Variants in TSHZ2 observed in about 807,000 individuals in gnomAD.
TSHZ2 encodes the protein teashirt homolog 2.
A neutral mutation model predicts 74.4 loss-of-function variants in TSHZ2; 21 were observed. The ratio of observed to expected loss-of-function variants is 0.28; its 90% CI spans 0.20 to 0.41. TSHZ2 has a LOEUF of 0.41. Among genes scored for constraint, TSHZ2 ranks in the 10% least tolerant of loss-of-function variants. The probability of loss-of-function intolerance (pLI) is 1.00; values close to 1 mark genes in which losing one functional copy is unlikely to be tolerated. For synonymous variants in TSHZ2, 540 were observed against 515.3 expected (o/e 1.05, Z -0.65); for missense variants, 1,244 against 1,293.5 (o/e 0.96, Z 0.59).
chr20:53,410,620 T>TATTA (rs1555860298), intron 2 of TSHZ2, among the ~76,000 whole-genome samples: 36 of 148,462 alleles, frequency 2.4e-4, no homozygotes, highest in African/African-American at 8.6e-4. Context: ...TTATTATTAT[T>TATTA]ATTATTAGCT....
intron 1 of TSHZ2, among the ~76,000 whole-genome samples, chr20:53,037,601 C>G (rs6013614): frequency 0.68 from 103,154 of 152,132 alleles, 35,541 homozygotes; most frequent in East Asian, 0.92. Flanking sequence ...CCTATTTTTA[C>G]GGGTAAGTTT....
At chr20:53,340,180 TTTTC>T (rs1242148340) in intron 2 of TSHZ2, among the ~76,000 whole-genome samples, 5 of 56,180 alleles carry the variant, frequency 8.9e-5, no homozygotes, top group African/African-American at 5.7e-4. Flanking sequence ...TTTCTTTCTT[TTTTC>T]TTTTTTTTTT....
At chr20:53,411,587 G>C (rs1383654929) in intron 2 of TSHZ2, among the ~76,000 whole-genome samples, 1 of 152,130 alleles carries the variant, frequency 6.6e-6, no homozygotes, top group Non-Finnish European at 1.5e-5. Flanking sequence ...CCAGCACTTC[G>C]AGAGGCTAAA....
chr20:53,295,674 T>C (rs1240173555), intron 2 of TSHZ2, among the ~76,000 whole-genome samples: 1 of 152,158 alleles, frequency 6.6e-6, no homozygotes, highest in Non-Finnish European at 1.5e-5. Flanking sequence ...TGACAAAAGA[T>C]ACATAAAGTG....
chr20:53,068,047 A>G (rs1239187514), intron 1 of TSHZ2, among the ~76,000 whole-genome samples: 1 of 152,128 alleles, frequency 6.6e-6, no homozygotes, highest in Non-Finnish European at 1.5e-5. Flanking sequence ...GTCAGGTGGC[A>G]TCCCCTCTTT....
At chr20:53,261,355 C>T (rs533329490) in intron 2 of TSHZ2, among the ~76,000 whole-genome samples, 7 of 152,308 alleles carry the variant, frequency 4.6e-5, no homozygotes, top group African/African-American at 1.4e-4. Flanking sequence ...CTTGTTCAAT[C>T]AGGCAATTAT....
chr20:53,031,780 AC>A (rs1261030262), intron 1 of TSHZ2, among the ~76,000 whole-genome samples: 16 of 152,268 alleles, frequency 1.1e-4, no homozygotes, highest in African/African-American at 3.4e-4. Context: ...ATTCTGTAGC[AC>A]CACATGGGAG....
chr20:53,254,311 G>A lies in TSHZ2; in HGVS notation c.853G>A (p.Asp285Asn), dbSNP rs1188088446. 12 of 1,613,978 alleles carry A rather than the reference G, an allele frequency of 7.4e-6. No individual in the cohort carries two copies. The East Asian group carries it at 8.9e-5, about 12-fold the overall frequency. ...ATGTATGTTTTGTGGCGACTCCTTT[G>A]ATTCCCTCCAAGATTTGAGCGTCCA... ...LKCMFCGDSF[D>N]SLQDLSVHMI... The change falls in exon 2 of 3, where the codon GAT (aspartate) becomes AAT (asparagine). Residue 285 changes from aspartate (D) to asparagine (N), a missense_variant. This residue lies in a region of TSHZ2 where 470 missense variants were observed against 456.5 expected (regional missense o/e 1.03). Coordinates refer to ENST00000371497, the MANE Select transcript of TSHZ2 (RefSeq NM_173485.6).
At chr20:53,129,566 TATTGTTATTAC>T (rs1987043848) in intron 1 of TSHZ2, among the ~76,000 whole-genome samples, 1 of 152,236 alleles carries the variant, frequency 6.6e-6, no homozygotes, top group Non-Finnish European at 1.5e-5. Context: ...TGTTGGATAA[TATTGTTATTAC>T]ATTGTTATGA....
At chr20:53,054,603 A>G (rs548679544) in intron 1 of TSHZ2, among the ~76,000 whole-genome samples, 1 of 152,342 alleles carries the variant, frequency 6.6e-6, no homozygotes, top group Admixed American at 6.5e-5. Context: ...GCAAGCCAAC[A>G]GCAAGAGATG....
chr20:53,220,286 TGAA>T (rs1906268684), intron 1 of TSHZ2, among the ~76,000 whole-genome samples: 1 of 152,088 alleles, frequency 6.6e-6, no homozygotes. Context: ...AATGAAAAAA[TGAA>T]GAAGGAGCTA....
rs1981298876 is a variant in TSHZ2 at position 52,975,504 on chromosome 20, T to G, written c.40+2171T>G. ...CTGTTGGTGCTGGCTAGTTTATTGG[T>G]GTGTGTGGGTGTGTGGGGGTGTGTG... On this transcript the variant is annotated intron_variant, in intron 1 of 2. Transcript: ENST00000371497. Among the ~76,000 whole-genome samples the G allele has an allele frequency of 4.8e-5, 7 of 145,060 alleles. No individual in the cohort carries two copies. In the South Asian group the frequency reaches 1.7e-3, roughly 35 times the overall value.
intron 1 of TSHZ2, among the ~76,000 whole-genome samples, chr20:53,036,372 A>G (rs922435075): frequency 1.3e-5 from 2 of 152,136 alleles, no homozygotes; most frequent in East Asian, 3.8e-4. Context: ...TTTATTATTC[A>G]TATTATAACA....
chr20:53,385,510 C>T (rs1180023626), intron 2 of TSHZ2, among the ~76,000 whole-genome samples: 2 of 152,180 alleles, frequency 1.3e-5, no homozygotes, highest in Non-Finnish European at 2.9e-5. Context: ...ACTCTCCATA[C>T]TTAGCAGTCA....
chr20:53,066,077 G>A (rs1447023039), intron 1 of TSHZ2, among the ~76,000 whole-genome samples: 1 of 152,142 alleles, frequency 6.6e-6, no homozygotes, highest in Admixed American at 6.5e-5. Context: ...CAGGCCCCTT[G>A]CTCAGTTGCA....
At chr20:53,411,262 G>A (rs972591971) in intron 2 of TSHZ2, among the ~76,000 whole-genome samples, 1 of 152,074 alleles carries the variant, frequency 6.6e-6, no homozygotes, top group East Asian at 1.9e-4. Context: ...GGAGTCCCAG[G>A]GGCCTCCAGT....
chr20:53,340,194 T>TTTTC (rs1293408240), intron 2 of TSHZ2, among the ~76,000 whole-genome samples: 1 of 71,972 alleles, frequency 1.4e-5, no homozygotes, highest in African/African-American at 7.5e-5. Flanking sequence ...CTTTTTTTTT[T>TTTTC]TTTTTTGAGA....
intron 2 of TSHZ2, among the ~76,000 whole-genome samples, chr20:53,457,211 G>A (rs1314347536): frequency 6.9e-6 from 1 of 145,626 alleles, no homozygotes; most frequent in Non-Finnish European, 1.5e-5. Context: ...TCTTCCAGTT[G>A]TTTGTATCCT....
intron 2 of TSHZ2, among the ~76,000 whole-genome samples, chr20:53,291,742 G>T (rs1991282000): frequency 6.6e-6 from 1 of 152,118 alleles, no homozygotes; most frequent in Non-Finnish European, 1.5e-5. Flanking sequence ...AGCTCCCTCT[G>T]CAGGGCAGAT....
Sources: gnomAD v4.1 joint callset for allele counts (sites outside exome capture counted in the v4.1 genomes callset) on GRCh38, gnomAD v4.1.1 for gene constraint, gnomAD v4.1.1 regional missense constraint, MANE v1.5 for transcripts, NCBI Gene and HGNC (gene_info 2026-07-23, HGNC 2026-07-21) for gene names.